Variants in CFAP43 observed in about 807,000 individuals in gnomAD.
The protein encoded by CFAP43 is cilia- and flagella-associated protein 43.
In CFAP43, 155 loss-of-function variants were observed where a neutral mutation model predicts 218.9. That is an observed-to-expected ratio of 0.71 (90% CI 0.62 to 0.81). The LOEUF is 0.81. Among genes scored for constraint, CFAP43 ranks in the 30% least tolerant of loss-of-function variants. CFAP43 has a pLI of 0.00. For synonymous variants in CFAP43, 645 were observed against 681.3 expected (o/e 0.95, Z 0.83); for missense variants, 1,778 against 1,954.3 (o/e 0.91, Z 1.70).
intron 34 of CFAP43, 147 bp downstream of exon 34, chr10:104,140,695 C>A (rs2087664728): frequency 1.7e-6 from 1 of 602,022 alleles, no homozygotes; most frequent in African/African-American, 1.9e-5. Flanking sequence ...AACCTGTACT[C>A]CCAGCTACTT....
chr10:104,143,619 T>C lies in CFAP43; in HGVS notation c.3965A>G (p.His1322Arg). ...AGGGACAACGCTGGTTGTTTCTGAGTGCGTTTTCTGTTTGGAAATCCTGGT... is the reference window on the plus strand; with the variant it reads ...AGGGACAACGCTGGTTGTTTCTGAGCGCGTTTTCTGTTTGGAAATCCTGGT... ...RRPRISKQKT[H>R]SETTSVVPFG... Residue 1322 changes from histidine (H) to arginine (R), a missense_variant, in exon 32 of 38, where the codon CAC becomes CGC. By Grantham distance (29) the His-to-Arg change is conservative (BLOSUM62 0). Transcript: ENST00000357060. The C allele has an allele frequency of 1.2e-6, 2 of 1,614,094 alleles. No individual in the cohort carries two copies. The highest frequency in any genetic ancestry group is 1.7e-6 in the Non-Finnish European group (2 of 1,180,016).
intron 5 of CFAP43, among the ~76,000 whole-genome samples, chr10:104,208,485 C>A (rs1189291138): frequency 6.6e-6 from 1 of 151,860 alleles, no homozygotes; most frequent in East Asian, 1.9e-4. Flanking sequence ...ATTACTTTTT[C>A]ATCAATAAAT....
At position 104,207,566 on chromosome 10, in the gene CFAP43, G is replaced by A. The variant is rs182083022; in HGVS notation, c.895+99C>T. 5.3e-6 allele frequency: 6 copies of A among 1,133,302 alleles called. 1 individual carries two copies. The African/African-American group carries it at 7.8e-5, about 15-fold the overall frequency. 70.2% of individuals were successfully genotyped at this position (1,133,302 alleles called of 1,614,324 possible). A position where few individuals can be genotyped will look rare whatever the true frequency, so the allele number is the denominator to read the frequency against. ...TAACAGCCAGAGGATTAAGAAGAAGGAGGATTCAAAGATGTCTCCAAGAAA... is the reference window on the plus strand; with the variant it reads ...TAACAGCCAGAGGATTAAGAAGAAGAAGGATTCAAAGATGTCTCCAAGAAA... On this transcript the variant is annotated intron_variant, in intron 6 of 37. Coordinates refer to ENST00000357060, the MANE Select transcript of CFAP43 (RefSeq NM_025145.7).
chr10:104,174,557 C>G (rs2089539460), intron 19 of CFAP43, among the ~76,000 whole-genome samples: 1 of 152,172 alleles, frequency 6.6e-6, no homozygotes, highest in Non-Finnish European at 1.5e-5. Flanking sequence ...GGTGGGGACA[C>G]AGCCAAACCA....
intron 16 of CFAP43, 39 bp from the exon 17 acceptor site, chr10:104,182,552 T>A (rs745430906): frequency 1.3e-6 from 2 of 1,521,734 alleles, no homozygotes; most frequent in Non-Finnish European, 1.8e-6. Flanking sequence ...GCTATAAAAA[T>A]CATAATTTAA....
chr10:104,150,870 T>C lies in CFAP43; in HGVS notation c.3660+1737A>G, dbSNP rs1430353040. 2.6e-5 allele frequency among the ~76,000 whole-genome samples: 4 copies of C among 152,256 alleles called. No individual in the cohort carries two copies. The East Asian group carries it at 5.8e-4, about 22-fold the overall frequency. On this transcript the variant is annotated intron_variant, in intron 28 of 37. Coordinates refer to ENST00000357060, the MANE Select transcript of CFAP43 (RefSeq NM_025145.7). Reference sequence around the variant, plus strand: ...CCTAGTACCCAATAGTTATTTTTTCTGATCTTCTCCCTCCTCCCACCCACC... The same window carrying C: ...CCTAGTACCCAATAGTTATTTTTTCCGATCTTCTCCCTCCTCCCACCCACC...
Position 104,196,849 on chromosome 10 carries a change from T to G in CFAP43, c.1293+4A>C, listed in dbSNP as rs762253630. Reference sequence around the variant, plus strand: ...TTTAAAATCCATTTATCAAGTATACTTACTAGGGTATTCAGATAAATCTTG... The same window carrying G: ...TTTAAAATCCATTTATCAAGTATACGTACTAGGGTATTCAGATAAATCTTG... On this transcript the variant is annotated splice_donor_region_variant and intron_variant, in intron 10 of 37. Coordinates refer to ENST00000357060, the MANE Select transcript of CFAP43 (RefSeq NM_025145.7). 6.2e-7 allele frequency: 1 copy of G among 1,600,834 alleles called. No individual in the cohort carries two copies. Among genetic ancestry groups the G allele is most frequent in the Non-Finnish European group, 8.5e-7 (1 of 1,173,536 alleles).
At chr10:104,215,275 G>GA (rs2090982597) in intron 3 of CFAP43, among the ~76,000 whole-genome samples, 1 of 152,076 alleles carries the variant, frequency 6.6e-6, no homozygotes, top group Non-Finnish European at 1.5e-5. Context: ...TGAAGGAAAA[G>GA]AAAAAAATTA....
At chr10:104,206,088 A>T in intron 6 of CFAP43, 58 bp from the exon 7 acceptor site, 1 of 1,344,432 alleles carries the variant, frequency 7.4e-7, no homozygotes, top group Non-Finnish European at 1.0e-6. Context: ...ACAATGTAAC[A>T]ATGAATAATA....
Position 104,179,050 on chromosome 10 carries a change from T to C in CFAP43, c.2439A>G (p.Gly813=). ...TTACAGTTTTGGAAAGTGATTTGAT[T>C]CCTTGTTTTATCTCTTTCCTTTTCT... ...FSKKRKEIKQ[G]IKSLSKTILN... The change falls in exon 19 of 38, where the codon GGA becomes GGG. Residue 813 remains glycine, a synonymous_variant. Coordinates refer to ENST00000357060, the MANE Select transcript of CFAP43 (RefSeq NM_025145.7). 1 of 1,613,234 alleles carries C rather than the reference T, an allele frequency of 6.2e-7. No homozygotes were observed. The highest frequency in any genetic ancestry group is 8.5e-7 in the Non-Finnish European group (1 of 1,179,524).
At chr10:104,175,271 A>G (rs934740458) in intron 19 of CFAP43, among the ~76,000 whole-genome samples, 4 of 151,922 alleles carry the variant, frequency 2.6e-5, no homozygotes, top group Admixed American at 1.3e-4. Flanking sequence ...AAAAAAATAC[A>G]AAAATTACTT....
chr10:104,174,113 T>C (rs1439415895), intron 19 of CFAP43, among the ~76,000 whole-genome samples: 1 of 152,150 alleles, frequency 6.6e-6, no homozygotes, highest in Non-Finnish European at 1.5e-5. Flanking sequence ...AGTGACAAAA[T>C]AGTAGAACTA....
At chr10:104,199,014 A>G (rs1050047929) in intron 8 of CFAP43, among the ~76,000 whole-genome samples, 4 of 152,248 alleles carry the variant, frequency 2.6e-5, no homozygotes, top group African/African-American at 9.6e-5. Context: ...TTCAAAAATA[A>G]TATCTATTTA....
At chr10:104,146,177 T>G in intron 30 of CFAP43, 86 bp downstream of exon 30, 1 of 1,044,490 alleles carries the variant, frequency 9.6e-7, no homozygotes, top group East Asian at 2.5e-5. Context: ...TGTGAGAAAA[T>G]TATATTATAT....
intron 5 of CFAP43, among the ~76,000 whole-genome samples, chr10:104,211,528 C>T (rs7898140): frequency 0.1 from 15,435 of 152,184 alleles, 1,410 homozygotes; most frequent in African/African-American, 0.25. Flanking sequence ...TCTGTGACTG[C>T]GCCTTCTCAG....
chr10:104,156,128 T>C (rs531781851), intron 27 of CFAP43, among the ~76,000 whole-genome samples: 53 of 152,102 alleles, frequency 3.5e-4, no homozygotes, highest in African/African-American at 1.3e-3. Flanking sequence ...CTGTGGAGAC[T>C]TGGGAGTAAA....
intron 31 of CFAP43, among the ~76,000 whole-genome samples, chr10:104,144,640 C>G (rs1212912816): frequency 6.6e-6 from 1 of 152,092 alleles, no homozygotes; most frequent in Non-Finnish European, 1.5e-5. Context: ...CAGACAGAGA[C>G]TCCGTCTCAA....
chr10:104,162,258 G>T, intron 25 of CFAP43, 59 bp downstream of exon 25: 1 of 1,511,034 alleles, frequency 6.6e-7, no homozygotes, highest in Non-Finnish European at 9.2e-7. Context: ...ACCAAACTAG[G>T]AAGCAGTATC....
chr10:104,169,112 G>A lies in CFAP43; in HGVS notation c.2587-264C>T, dbSNP rs560118827. Among the ~76,000 whole-genome samples the A allele has an allele frequency of 6.4e-4, 98 of 152,070 alleles. 1 individual carries two copies. Among genetic ancestry groups the A allele is most frequent in the Admixed American group, 4.6e-4 (7 of 15,268 alleles). On this transcript the variant is annotated intron_variant, in intron 20 of 37. Transcript: ENST00000357060. ...AGTACCTCTACCTCTAAGGATGGTC[G>A]GGTTGCATACACGAGTGAAGTGGGG...
Sources: gnomAD v4.1 joint callset for allele counts (sites outside exome capture counted in the v4.1 genomes callset) on GRCh38, gnomAD v4.1.1 for gene constraint, MANE v1.5 for transcripts, NCBI Gene and HGNC (gene_info 2026-07-23, HGNC 2026-07-21) for gene names.